Variants in RABGAP1L observed in about 807,000 individuals in gnomAD.
The protein encoded by RABGAP1L is rab GTPase-activating protein 1-like.
Under a neutral mutation model 137.7 loss-of-function variants are expected in RABGAP1L, and 63 were observed. The ratio of observed to expected loss-of-function variants is 0.46; its 90% CI spans 0.37 to 0.56. The LOEUF is 0.56. Ranked by LOEUF, RABGAP1L falls within the 20% of genes least tolerant of loss-of-function variation. The pLI is 0.00. For missense variants in RABGAP1L, 1,095 were observed against 1,244.0 expected, an observed-to-expected ratio of 0.88 and a Z score of 1.80; for synonymous variants, 431 against 433.7, an observed-to-expected ratio of 0.99 and a Z score of 0.08.
At chr1:174,572,314 A>G (rs1485027942) in intron 13 of RABGAP1L, among the ~76,000 whole-genome samples, 1 of 152,186 alleles carries the variant, frequency 6.6e-6, no homozygotes, top group South Asian at 2.1e-4. Context: ...GTTAAATGTT[A>G]TTACGCTTGA....
chr1:174,940,454 T>G (rs1171944704), intron 19 of RABGAP1L, among the ~76,000 whole-genome samples: 1 of 151,938 alleles, frequency 6.6e-6, no homozygotes, highest in East Asian at 1.9e-4. Context: ...TTTTTAAAAT[T>G]TTTTGTAGAG....
intron 12 of RABGAP1L, among the ~76,000 whole-genome samples, chr1:174,387,407 A>G (rs1686884712): frequency 6.6e-6 from 1 of 152,216 alleles, no homozygotes; most frequent in Non-Finnish European, 1.5e-5. Context: ...TCCTTCTGTA[A>G]GCATTGTAGA....
At chr1:174,735,090 G>C (rs891784107) in intron 17 of RABGAP1L, among the ~76,000 whole-genome samples, 2 of 150,496 alleles carry the variant, frequency 1.3e-5, no homozygotes. Flanking sequence ...AGCCTCTCAA[G>C]TAGCTAGGAC....
intron 19 of RABGAP1L, among the ~76,000 whole-genome samples, chr1:174,890,511 G>A (rs982350221): frequency 6.6e-6 from 1 of 152,160 alleles, no homozygotes; most frequent in African/African-American, 2.4e-5. Flanking sequence ...ACTTTTTAAA[G>A]TACAGGTTTT....
chr1:174,567,075 C>A (rs912460126), intron 13 of RABGAP1L, among the ~76,000 whole-genome samples: 2 of 151,962 alleles, frequency 1.3e-5, no homozygotes, highest in African/African-American at 4.8e-5. Flanking sequence ...TTCAGTGACA[C>A]TAAATATGTT....
intron 19 of RABGAP1L, among the ~76,000 whole-genome samples, chr1:174,906,507 A>C (rs918894234): frequency 6.6e-5 from 10 of 152,052 alleles, no homozygotes; most frequent in Non-Finnish European, 1.5e-4. Context: ...AGATGCCTAT[A>C]ATCCCAGCTA....
At chr1:174,312,416 A>C (rs1232920957) in intron 11 of RABGAP1L, among the ~76,000 whole-genome samples, 2 of 152,052 alleles carry the variant, frequency 1.3e-5, no homozygotes, top group Admixed American at 1.3e-4. Context: ...TGTCTATTCA[A>C]ATCTTTTGCC....
chr1:174,459,096 G>A (rs554645760), intron 13 of RABGAP1L, among the ~76,000 whole-genome samples: 2 of 152,134 alleles, frequency 1.3e-5, no homozygotes, highest in East Asian at 3.9e-4. Context: ...TGCAGTGCTA[G>A]GAGTTTTATG....
chr1:174,709,489 A>C (rs1680309390), intron 17 of RABGAP1L, among the ~76,000 whole-genome samples: 1 of 152,206 alleles, frequency 6.6e-6, no homozygotes, highest in East Asian at 1.9e-4. Flanking sequence ...ACAGACAGCG[A>C]TCTTTGCTGT....
At chr1:174,831,601 C>G (rs979999390) in intron 19 of RABGAP1L, among the ~76,000 whole-genome samples, 2 of 148,228 alleles carry the variant, frequency 1.3e-5, no homozygotes, top group Non-Finnish European at 3.0e-5. Context: ...TAATTCATCT[C>G]AAGGTTCAGC....
chr1:174,321,423 C>G (rs937323971), intron 11 of RABGAP1L, among the ~76,000 whole-genome samples: 21 of 152,052 alleles, frequency 1.4e-4, no homozygotes, highest in African/African-American at 5.1e-4. Flanking sequence ...TAAAAACTTG[C>G]TGGTTTTGTG....
intron 13 of RABGAP1L, among the ~76,000 whole-genome samples, chr1:174,598,669 CTT>C (rs1471030612): frequency 2.0e-5 from 3 of 151,988 alleles, no homozygotes; most frequent in East Asian, 1.9e-4. Context: ...CTTTTGGTCT[CTT>C]TTCATAGTTT....
In RABGAP1L at chr1:174,702,203, G is replaced by A; in HGVS notation, c.2116G>A (p.Ala706Thr). The A allele has an allele frequency of 6.2e-7, 1 of 1,612,138 alleles. No individual in the cohort carries two copies. Among genetic ancestry groups the A allele is most frequent in the Non-Finnish European group, 8.5e-7 (1 of 1,178,924 alleles). Residue 706 changes from alanine (A) to threonine (T), a missense_variant, in exon 17 of 26, where the codon GCC becomes ACC. By Grantham distance (58) the Ala-to-Thr change is moderately conservative. Transcript: ENST00000681986. Reference protein sequence around the residue: ...ASQWFLTLFTAKFPLCMVFHI... With the variant: ...ASQWFLTLFTTKFPLCMVFHI... ...CCAGTGGTTTCTCACTCTTTTTACT[G>A]CCAAGTTCCCACTCTGCATGGTGTT... is the stretch of plus-strand genomic sequence containing the variant.
chr1:174,295,975 G>C (rs1335581508), intron 10 of RABGAP1L, among the ~76,000 whole-genome samples: 1 of 152,222 alleles, frequency 6.6e-6, no homozygotes, highest in Non-Finnish European at 1.5e-5. Flanking sequence ...CAGAGCCTAA[G>C]TATTGAATGA....
intron 19 of RABGAP1L, among the ~76,000 whole-genome samples, chr1:174,823,375 G>A (rs573208253): frequency 6.4e-4 from 97 of 152,088 alleles, no homozygotes; most frequent in Non-Finnish European, 8.7e-4. Flanking sequence ...TAATTTTCCC[G>A]CAACCATTTA....
chr1:174,244,772 A>G (rs1672116703), intron 5 of RABGAP1L: 2 of 152,234 alleles, frequency 1.3e-5, no homozygotes, highest in Admixed American at 6.5e-5. Flanking sequence ...TAAAACTTTC[A>G]AAAGATACTT....
At chr1:174,942,709 T>C (rs1666100374) in intron 19 of RABGAP1L, among the ~76,000 whole-genome samples, 1 of 152,242 alleles carries the variant, frequency 6.6e-6, no homozygotes, top group South Asian at 2.1e-4. Flanking sequence ...TGGATGTGTT[T>C]GCTGTTCCTG....
At chr1:174,762,114 A>T (rs1685275407) in intron 18 of RABGAP1L, among the ~76,000 whole-genome samples, 1 of 152,090 alleles carries the variant, frequency 6.6e-6, no homozygotes, top group African/African-American at 2.4e-5. Flanking sequence ...CTGCAACAAG[A>T]GAGTGAGGGA....
intron 11 of RABGAP1L, chr1:174,368,155 T>A (rs1684810221): frequency 1.3e-5 from 2 of 152,288 alleles, no homozygotes. Context: ...CTCCCACCCG[T>A]GGTTGCCAGC....
Sources: allele counts gnomAD v4.1 joint callset (sites outside exome capture counted in the v4.1 genomes callset), GRCh38; gene constraint gnomAD v4.1.1; transcripts MANE v1.5; gene names NCBI Gene and HGNC (gene_info 2026-07-23, HGNC 2026-07-21).